The following DOCK8 variants were observed in gnomAD, a reference collection of about 807,000 sequenced individuals.
DOCK8 encodes dedicator of cytokinesis 8.
DOCK8 carries 141 observed loss-of-function variants against 245.6 expected under a neutral mutation model. The observed-to-expected ratio is 0.57, with a 90% confidence interval of 0.50 to 0.66. DOCK8 has a LOEUF of 0.66. Among genes scored for constraint, DOCK8 ranks in the 30% least tolerant of loss-of-function variants. The pLI, the probability that DOCK8 is intolerant of heterozygous loss-of-function variation, is 0.00. For synonymous variants in DOCK8, 1,168 were observed against 970.2 expected, an observed-to-expected ratio of 1.20 and a Z score of -3.79; for missense variants, 2,965 against 2,603.4, an observed-to-expected ratio of 1.14 and a Z score of -3.02.
chr9:311,418 CTTTTTTT>C (rs527490172), intron 5 of DOCK8, among the ~76,000 whole-genome samples: 2 of 139,210 alleles, frequency 1.4e-5, no homozygotes, highest in Non-Finnish European at 3.1e-5. Flanking sequence ...CTAAGTTTTG[CTTTTTTT>C]TTTTTTTTTA....
At chr9:219,684 C>G (rs553801297) in intron 1 of DOCK8, among the ~76,000 whole-genome samples, 19 of 151,952 alleles carry the variant, frequency 1.3e-4, no homozygotes, top group African/African-American at 4.3e-4. Context: ...ATGGCTCGAG[C>G]CCAGGAGTTC....
chr9:312,027 T>C lies in DOCK8; in HGVS notation c.602T>C (p.Leu201Pro), dbSNP rs1396630917. Residue 201 changes from leucine to proline, a missense_variant, in exon 6 of 48, where the codon CTC becomes CCC. By Grantham distance (98) the Leu-to-Pro change is moderately conservative. Coordinates refer to ENST00000432829, the MANE Select transcript of DOCK8 (RefSeq NM_203447.4). Reference sequence around the variant, plus strand: ...CCCGTCACTGCCTGTGACTTTGACCTCCGCAGCCTGCAGCCTGACAAGCGG... The same window carrying C: ...CCCGTCACTGCCTGTGACTTTGACCCCCGCAGCCTGCAGCCTGACAAGCGG... Reference protein sequence around the residue: ...KGPVTACDFDLRSLQPDKRLE... With the variant: ...KGPVTACDFDPRSLQPDKRLE... 2 of 1,614,172 alleles carry C rather than the reference T, an allele frequency of 1.2e-6. No homozygotes were observed. Among genetic ancestry groups the C allele is most frequent in the Admixed American group, 3.3e-5 (2 of 60,028 alleles).
rs754347470 is a variant in DOCK8, at chr9:340,185, G to A, written c.1543G>A (p.Ala515Thr). Residue 515 changes from alanine (A) to threonine (T), a missense_variant, in exon 14 of 48, where the codon GCT becomes ACT. By Grantham distance (58) the Ala-to-Thr change is moderately conservative. Transcript: ENST00000432829. ...PGLLRLEIST[A>T]PEIINCCLTP... ...CTTGCTAAGACTGGAGATTTCTACA[G>A]CTCCAGAGATCATCAATTGCTGTCT... 3.7e-6 allele frequency: 6 copies of A among 1,614,098 alleles called. No individual in the cohort carries two copies. Among genetic ancestry groups the A allele is most frequent in the Non-Finnish European group, 5.1e-6 (6 of 1,179,996 alleles).
At chr9:233,986 T>C (rs1171400430) in intron 1 of DOCK8, among the ~76,000 whole-genome samples, 1 of 152,200 alleles carries the variant, frequency 6.6e-6, no homozygotes, top group Non-Finnish European at 1.5e-5. Context: ...AGTTTCTTCC[T>C]AGCTTGGATG....
At chr9:382,366 C>A in intron 21 of DOCK8, 147 bp from the exon 22 acceptor site, 1 of 1,131,366 alleles carries the variant, frequency 8.8e-7, no homozygotes, top group Non-Finnish European at 1.3e-6. Flanking sequence ...GCCTCCTACC[C>A]CAACCAGGAT....
At chr9:453,064 A>G (rs1179288071) in intron 46 of DOCK8, 1 of 152,240 alleles carries the variant, frequency 6.6e-6, no homozygotes, top group East Asian at 1.9e-4. Flanking sequence ...GATAAAGGAG[A>G]CTAAAAGTTT....
intron 34 of DOCK8, among the ~76,000 whole-genome samples, chr9:427,487 C>G (rs2056544866): frequency 6.6e-6 from 1 of 152,178 alleles, no homozygotes; most frequent in South Asian, 2.1e-4. Context: ...GCCATCCCTG[C>G]TGTAGAAAAA....
chr9:332,648 C>CT lies in DOCK8; in HGVS notation c.1125+197dup, dbSNP rs35539095. Among the ~76,000 whole-genome samples, 43 of 63,960 alleles carry CT rather than the reference C, an allele frequency of 6.7e-4. 2 individuals are homozygous for CT. Among genetic ancestry groups the CT allele is most frequent in the South Asian group, 1.7e-3 (3 of 1,786 alleles). The allele number at this position is 63,960 out of a possible 152,430, so 42.0% of individuals were successfully genotyped here. The stretch of plus-strand genomic sequence containing the variant: ...AAAGAAAACTGGTCACCGATGATGA[C>CT]TTTTTTTTTTTTTTTTTTTTTTTTT... On this transcript the variant is annotated intron_variant, in intron 10 of 47. Transcript: ENST00000432829.
At chr9:330,501 T>C (rs2050962337) in intron 9 of DOCK8, among the ~76,000 whole-genome samples, 1 of 152,190 alleles carries the variant, frequency 6.6e-6, no homozygotes, top group African/African-American at 2.4e-5. Context: ...TTTTGCTACA[T>C]TTGCTGTGTA....
intron 1 of DOCK8, among the ~76,000 whole-genome samples, chr9:235,705 T>G (rs1291569097): frequency 2.0e-5 from 3 of 152,168 alleles, no homozygotes; most frequent in Admixed American, 1.3e-4. Context: ...CTCTGAGCCA[T>G]GTGTGGGATA....
At position 421,032 on chromosome 9, in the gene DOCK8, C is replaced by A. The variant is rs2297079; in HGVS notation, c.4107C>A (p.Leu1369=). Residue 1369 remains leucine, a synonymous_variant, in exon 32 of 48, where the codon CTC becomes CTA. Transcript: ENST00000432829. ...DVKARLEEAL[L]RGEGARGEMM... Reference sequence around the variant, plus strand: ...AGGCCCGGCTGGAAGAGGCTTTGCTCCGTGGGGAAGGGGCCAGAGGGGAGA... The same window carrying A: ...AGGCCCGGCTGGAAGAGGCTTTGCTACGTGGGGAAGGGGCCAGAGGGGAGA... 6.2e-6 allele frequency: 10 copies of A among 1,613,956 alleles called. No homozygotes were observed. The highest frequency in any genetic ancestry group is 3.3e-5 in the South Asian group (3 of 91,084).
chr9:343,682 A>T (rs777296726), intron 14 of DOCK8, among the ~76,000 whole-genome samples: 2 of 152,130 alleles, frequency 1.3e-5, no homozygotes, highest in African/African-American at 2.4e-5. Context: ...TCCCTCCTAG[A>T]GGAGATAAGC....
At chr9:264,482 T>A (rs2047991891) in intron 1 of DOCK8, among the ~76,000 whole-genome samples, 1 of 152,224 alleles carries the variant, frequency 6.6e-6, no homozygotes, top group Non-Finnish European at 1.5e-5. Flanking sequence ...AGTTATGGCT[T>A]GTCTGTTTAT....
intron 26 of DOCK8, among the ~76,000 whole-genome samples, chr9:399,614 C>G (rs545031965): frequency 2.0e-5 from 3 of 152,202 alleles, no homozygotes; most frequent in African/African-American, 4.8e-5. Context: ...AGTCTGAGGT[C>G]TCTTTTCACA....
At chr9:354,170 A>G (rs1001986699) in intron 14 of DOCK8, among the ~76,000 whole-genome samples, 1 of 152,044 alleles carries the variant, frequency 6.6e-6, no homozygotes, top group Admixed American at 6.5e-5. Flanking sequence ...TGTCTTTACT[A>G]AAAATACTAA....
chr9:450,574 C>T (rs1410883997), intron 45 of DOCK8, among the ~76,000 whole-genome samples: 1 of 152,146 alleles, frequency 6.6e-6, no homozygotes, highest in Non-Finnish European at 1.5e-5. Flanking sequence ...TAGATCTGTT[C>T]TTGTCCACAC....
chr9:369,248 C>T (rs2053172043), intron 15 of DOCK8: 1 of 152,222 alleles, frequency 6.6e-6, no homozygotes, highest in South Asian at 2.1e-4. Context: ...GTGGGGTCCT[C>T]TTAGTCCTCT....
intron 4 of DOCK8, among the ~76,000 whole-genome samples, chr9:291,713 A>G (rs1023930253): frequency 7.2e-5 from 11 of 151,818 alleles, no homozygotes; most frequent in African/African-American, 2.7e-4. Flanking sequence ...ATTAATTCCT[A>G]CAAGAGGAAT....
chr9:354,802 CA>C (rs1236120589), intron 14 of DOCK8, among the ~76,000 whole-genome samples: 1 of 152,164 alleles, frequency 6.6e-6, no homozygotes, highest in Admixed American at 6.5e-5. Flanking sequence ...TTGGCTTCGT[CA>C]AAACAAGCAA....
Sources: allele counts gnomAD v4.1 joint callset (sites outside exome capture counted in the v4.1 genomes callset), GRCh38; gene constraint gnomAD v4.1.1; transcripts MANE v1.5; gene names NCBI Gene and HGNC (gene_info 2026-07-23, HGNC 2026-07-21).